The following C8orf34 variants were observed in gnomAD, a reference collection of about 807,000 sequenced individuals.
C8orf34 encodes chromosome 8 open reading frame 34, also known as uncharacterized protein C8orf34.
C8orf34 carries 65 observed loss-of-function variants against 68.3 expected under a neutral mutation model. The ratio of observed to expected loss-of-function variants is 0.95; its 90% CI spans 0.78 to 1.17. The LOEUF is 1.17. Ranked by LOEUF, C8orf34 falls within the 50% of genes most tolerant of loss-of-function variation. C8orf34 has a pLI of 0.00. For missense variants in C8orf34, 664 were observed against 655.4 expected, an observed-to-expected ratio of 1.01 and a Z score of -0.14; for synonymous variants, 244 against 241.2, an observed-to-expected ratio of 1.01 and a Z score of -0.11.
intron 7 of C8orf34, among the ~76,000 whole-genome samples, chr8:68,577,613 T>C (rs187889129): frequency 6.9e-4 from 105 of 152,032 alleles, no homozygotes; most frequent in African/African-American, 2.4e-3. Context: ...AAATTTGTTA[T>C]ACCACTAGGG....
At chr8:68,495,558 A>C (rs1586257573) in intron 5 of C8orf34, among the ~76,000 whole-genome samples, 2 of 152,350 alleles carry the variant, frequency 1.3e-5, no homozygotes, top group South Asian at 4.1e-4. Context: ...TAAAAAGAAA[A>C]TAGAAGTGGA....
intron 1 of C8orf34, among the ~76,000 whole-genome samples, chr8:68,342,940 A>G (rs1563633573): frequency 6.6e-6 from 1 of 152,168 alleles, no homozygotes; most frequent in Admixed American, 6.5e-5. Flanking sequence ...GCTAAAATAT[A>G]CAGTAATAAT....
intron 1 of C8orf34, among the ~76,000 whole-genome samples, chr8:68,404,724 A>T (rs1276101723): frequency 6.6e-6 from 1 of 152,060 alleles, no homozygotes; most frequent in Admixed American, 6.5e-5. Flanking sequence ...GTTCTTTTCC[A>T]TTGGTCTAGA....
At chr8:68,616,746 C>T (rs942769348) in intron 7 of C8orf34, among the ~76,000 whole-genome samples, 12 of 151,904 alleles carry the variant, frequency 7.9e-5, no homozygotes, top group Non-Finnish European at 1.5e-4. Context: ...TGGTGTGGTG[C>T]TGAAAAAAAT....
intron 8 of C8orf34, among the ~76,000 whole-genome samples, chr8:68,674,571 C>A (rs1358598565): frequency 6.6e-6 from 1 of 151,516 alleles, no homozygotes; most frequent in Non-Finnish European, 1.5e-5. Flanking sequence ...AATTAGTGAG[C>A]TTGAAGGCAG....
chr8:68,736,400 C>A (rs1822123310), intron 10 of C8orf34, among the ~76,000 whole-genome samples: 1 of 152,028 alleles, frequency 6.6e-6, no homozygotes, highest in Non-Finnish European at 1.5e-5. Flanking sequence ...ATGGTACCCC[C>A]AATCATATAG....
chr8:68,621,874 A>G (rs1818398703), intron 7 of C8orf34, among the ~76,000 whole-genome samples: 1 of 152,204 alleles, frequency 6.6e-6, no homozygotes, highest in African/African-American at 2.4e-5. Context: ...ATGATCATAT[A>G]CTTAGCAGCT....
At chr8:68,391,348 T>C (rs1473995655) in intron 1 of C8orf34, among the ~76,000 whole-genome samples, 2 of 151,736 alleles carry the variant, frequency 1.3e-5, no homozygotes, top group Non-Finnish European at 2.9e-5. Context: ...CAAATTCAAA[T>C]TGGAAGGAGA....
At chr8:68,447,366 A>G (rs1422490107) in intron 3 of C8orf34, 1 of 152,222 alleles carries the variant, frequency 6.6e-6, no homozygotes, top group Non-Finnish European at 1.5e-5. Context: ...TATCCAAGCT[A>G]TACCACCTAA....
intron 11 of C8orf34, among the ~76,000 whole-genome samples, chr8:68,777,391 A>G (rs1823550420): frequency 6.6e-6 from 1 of 152,250 alleles, no homozygotes; most frequent in Non-Finnish European, 1.5e-5. Context: ...TTCTCATCCA[A>G]GAAAAATAGG....
At chr8:68,503,591 G>A (rs910736587) in intron 5 of C8orf34, among the ~76,000 whole-genome samples, 1 of 151,974 alleles carries the variant, frequency 6.6e-6, no homozygotes, top group Non-Finnish European at 1.5e-5. Flanking sequence ...AGAATATTGG[G>A]CACCTGTTGG....
Position 68,338,776 on chromosome 8 carries a change from T to G in C8orf34, c.327+7437T>G, listed in dbSNP as rs145633328. 3.2e-3 allele frequency among the ~76,000 whole-genome samples: 486 copies of G among 152,294 alleles called. 2 individuals are homozygous for G. The highest frequency in any genetic ancestry group is 0.017 in the Middle Eastern group (5 of 294). On this transcript the variant is annotated intron_variant, in intron 1 of 13. Coordinates refer to ENST00000518698, the MANE Select transcript of C8orf34 (RefSeq NM_052958.4). ...ATATGGTAGGTATATGTTAAATTTT[T>G]AAATAAACTAGTTATTAAAGTGGAT...
intron 12 of C8orf34, among the ~76,000 whole-genome samples, chr8:68,812,788 T>A (rs1263519468): frequency 6.6e-6 from 1 of 152,146 alleles, no homozygotes; most frequent in South Asian, 2.1e-4. Context: ...CTTTTAAAGA[T>A]CACTTGAGAA....
At chr8:68,446,521 T>C (rs1379271681) in intron 3 of C8orf34, 61 bp downstream of exon 3, 1 of 1,537,510 alleles carries the variant, frequency 6.5e-7, no homozygotes, top group East Asian at 2.3e-5. Context: ...GTTAAGAAAA[T>C]GAAGAAAAGG....
intron 1 of C8orf34, among the ~76,000 whole-genome samples, chr8:68,341,552 A>G (rs814447): frequency 0.1 from 15,439 of 152,130 alleles, 978 homozygotes; most frequent in African/African-American, 0.18. Context: ...TGTAATCCCT[A>G]GTGTTGAAGG....
At chr8:68,665,099 G>A (rs1239258332) in intron 8 of C8orf34, among the ~76,000 whole-genome samples, 1 of 152,116 alleles carries the variant, frequency 6.6e-6, no homozygotes, top group African/African-American at 2.4e-5. Context: ...TCAATTTATT[G>A]ATGACAGAAG....
intron 7 of C8orf34, among the ~76,000 whole-genome samples, chr8:68,623,866 T>C (rs758940107): frequency 3.3e-5 from 5 of 152,152 alleles, no homozygotes; most frequent in Non-Finnish European, 5.9e-5. Flanking sequence ...CATCAGGGCT[T>C]AGGATTTCAA....
At chr8:68,688,784 C>T (rs150144069) in intron 8 of C8orf34, among the ~76,000 whole-genome samples, 29 of 151,982 alleles carry the variant, frequency 1.9e-4, no homozygotes, top group East Asian at 3.9e-4. Context: ...AGCTGAACAA[C>T]GAGAACGTGG....
At chr8:68,400,718 G>T (rs1808914011) in intron 1 of C8orf34, among the ~76,000 whole-genome samples, 1 of 152,000 alleles carries the variant, frequency 6.6e-6, no homozygotes, top group East Asian at 1.9e-4. Context: ...GCACCACCAT[G>T]CCCAGCTTAT....
Sources: allele counts gnomAD v4.1 joint callset (sites outside exome capture counted in the v4.1 genomes callset), GRCh38; gene constraint gnomAD v4.1.1; transcripts MANE v1.5; gene names NCBI Gene and HGNC (gene_info 2026-07-23, HGNC 2026-07-21).